Variants in IPO9 observed in about 807,000 individuals in gnomAD.
The protein encoded by IPO9 is importin 9.
A neutral mutation model predicts 128.6 loss-of-function variants in IPO9; 28 were observed. The ratio of observed to expected loss-of-function variants is 0.22; its 90% CI spans 0.16 to 0.30. IPO9 has a LOEUF of 0.30. Among genes scored for constraint, IPO9 ranks in the 10% least tolerant of loss-of-function variants. The probability of loss-of-function intolerance (pLI) is 1.00; values close to 1 mark genes in which losing one functional copy is unlikely to be tolerated. For missense variants in IPO9, 935 were observed against 1,293.9 expected (o/e 0.72, Z 4.26); for synonymous variants, 455 against 475.8 (o/e 0.96, Z 0.57).
intron 16 of IPO9, among the ~76,000 whole-genome samples, chr1:201,869,011 G>C (rs1179118927): frequency 1.3e-5 from 2 of 152,164 alleles, no homozygotes; most frequent in Admixed American, 1.3e-4. Flanking sequence ...GCAGCACTTT[G>C]GGAGGCCGAG....
At chr1:201,856,379 A>C (rs987515932) in intron 10 of IPO9, among the ~76,000 whole-genome samples, 2 of 152,184 alleles carry the variant, frequency 1.3e-5, no homozygotes, top group African/African-American at 4.8e-5. Flanking sequence ...CATTAGCCTG[A>C]TGGTGGGTCA....
Position 201,854,862 on chromosome 1 carries a change from G to A in IPO9, c.850G>A (p.Val284Met). ...AGTGAAAAACTTCCCAAAGCACATG[G>A]TGTCCTCCATGCAGCAGATTCTGCC... ...ALVKNFPKHM[V>M]SSMQQILPIV... is the part of the protein sequence containing the mutation. Residue 284 changes from valine to methionine, a missense_variant, in exon 8 of 24, where the codon GTG (valine) becomes ATG (methionine). Around this residue, in one of 3 missense-constraint regions of IPO9, gnomAD observed 741 missense variants for 1,019.1 expected, o/e 0.73. Transcript: ENST00000361565. The A allele has an allele frequency of 6.2e-7, 1 of 1,611,904 alleles. No homozygotes were observed. The highest frequency in any genetic ancestry group is 1.3e-5 in the African/African-American group (1 of 74,842).
Position 201,862,760 on chromosome 1 carries a change from C to T in IPO9, c.1469-688C>T, listed in dbSNP as rs141058000. The stretch of plus-strand genomic sequence containing the variant: ...GGTGGAGGTTGTGGTGAGCCGAGAT[C>T]GCACTGTTGCACTCCAGCCTGGGCA... On this transcript the variant is annotated intron_variant, in intron 13 of 23. Coordinates refer to ENST00000361565, the MANE Select transcript of IPO9 (RefSeq NM_018085.5). 6.9e-5 allele frequency among the ~76,000 whole-genome samples: 10 copies of T among 145,624 alleles called. No homozygotes were observed. The East Asian group carries it at 1.5e-3, about 21-fold the overall frequency.
intron 1 of IPO9, among the ~76,000 whole-genome samples, chr1:201,838,521 A>G (rs1215749237): frequency 1.3e-5 from 2 of 152,192 alleles, no homozygotes; most frequent in Non-Finnish European, 2.9e-5. Flanking sequence ...AGTCTGTACT[A>G]ACCAAATTAA....
chr1:201,830,123 G>T (rs2102864419), intron 1 of IPO9, among the ~76,000 whole-genome samples: 1 of 152,264 alleles, frequency 6.6e-6, no homozygotes, highest in Middle Eastern at 3.4e-3. Flanking sequence ...TCAATTTCCT[G>T]CCGCGTGAGC....
rs566944558 is a variant in IPO9 at position 201,870,483 on chromosome 1, T to C, written c.2134-100T>C. ...AAACATTATAGACTCACCGCTTTTATGAGGCATAGGCCTCTGGGAACATTT... is the reference window on the plus strand; with the variant it reads ...AAACATTATAGACTCACCGCTTTTACGAGGCATAGGCCTCTGGGAACATTT... On this transcript the variant is annotated intron_variant, in intron 17 of 23. Coordinates refer to ENST00000361565, the MANE Select transcript of IPO9 (RefSeq NM_018085.5). This position sits in a 1 kb window ranked among gnomAD's most constrained non-coding sequence, Gnocchi z 4.9. 2 of 1,335,230 alleles carry C rather than the reference T, an allele frequency of 1.5e-6. No homozygotes were observed. Among genetic ancestry groups the C allele is most frequent in the African/African-American group, 2.9e-5 (2 of 68,130 alleles). 82.7% of individuals were successfully genotyped at this position (1,335,230 alleles called of 1,614,324 possible). A position where few individuals can be genotyped will look rare whatever the true frequency, so the allele number is the denominator to read the frequency against.
At chr1:201,841,597 T>A (rs559087855) in intron 1 of IPO9, among the ~76,000 whole-genome samples, 71 of 152,332 alleles carry the variant, frequency 4.7e-4, no homozygotes, top group African/African-American at 1.6e-3. Context: ...TTTCTAAATA[T>A]AATTCTCCAC....
intron 6 of IPO9, among the ~76,000 whole-genome samples, chr1:201,853,350 C>T (rs951318933): frequency 6.6e-6 from 1 of 151,722 alleles, no homozygotes; most frequent in Non-Finnish European, 1.5e-5. Flanking sequence ...CCCCTGACCC[C>T]CAGTAGGAAC....
At chr1:201,875,109 G>A (rs773394260) in intron 22 of IPO9, 43 bp from the exon 23 acceptor site, 1 of 1,560,330 alleles carries the variant, frequency 6.4e-7, no homozygotes, top group Admixed American at 1.7e-5. Context: ...GCCTGATCAT[G>A]GGCCTTTGTC....
chr1:201,874,210 C>T, intron 20 of IPO9, 40 bp from the exon 21 acceptor site: 1 of 1,609,210 alleles, frequency 6.2e-7, no homozygotes, highest in Non-Finnish European at 8.5e-7. Flanking sequence ...GAAGTAAGCT[C>T]AGTGACACTC....
intron 10 of IPO9, among the ~76,000 whole-genome samples, chr1:201,856,517 G>A (rs1680331608): frequency 3.3e-5 from 5 of 152,238 alleles, no homozygotes; most frequent in Admixed American, 2.0e-4. Context: ...CTATCAAAGG[G>A]TAACAGCAGG....
At chr1:201,850,554 T>G (rs1320574527) in intron 4 of IPO9, 1 of 152,126 alleles carries the variant, frequency 6.6e-6, no homozygotes, top group Non-Finnish European at 1.5e-5. Flanking sequence ...CTCAAAGAAG[T>G]TTGGAGATTG....
chr1:201,863,495 A>G lies in IPO9; in HGVS notation c.1516A>G (p.Thr506Ala). ...GRALWAASRFTVAMSPELIQQ... is the reference protein window; with the variant it reads ...GRALWAASRFAVAMSPELIQQ... ...GGCACTTTGGGCTGCCAGTCGGTTC[A>G]CTGTTGCTATGTCCCCTGAACTGAT... is the stretch of plus-strand genomic sequence containing the variant. Residue 506 changes from threonine to alanine, a missense_variant, in exon 14 of 24, where the codon ACT becomes GCT. Around this residue, in one of 3 missense-constraint regions of IPO9, gnomAD observed 741 missense variants for 1,019.1 expected, o/e 0.73. Transcript: ENST00000361565. 6.3e-7 allele frequency: 1 copy of G among 1,594,934 alleles called. No homozygotes were observed. The highest frequency in any genetic ancestry group is 8.6e-7 in the Non-Finnish European group (1 of 1,164,884).
At chr1:201,866,380 G>A (rs1433960284) in intron 14 of IPO9, among the ~76,000 whole-genome samples, 2 of 151,592 alleles carry the variant, frequency 1.3e-5, no homozygotes, top group African/African-American at 4.9e-5. Context: ...GGCTAATACA[G>A]TAAAACTATA....
rs1279274360 is a variant in IPO9 at position 201,863,567 on chromosome 1, C to A, written c.1588C>A (p.Pro530Thr). The A allele has an allele frequency of 1.9e-6, 3 of 1,598,862 alleles. No homozygotes were observed. The African/African-American group carries it at 4.0e-5, about 21-fold the overall frequency. The change falls in exon 14 of 24, where the codon CCC (proline) becomes ACC (threonine). Residue 530 changes from proline to threonine, a missense_variant. Around this residue, in one of 3 missense-constraint regions of IPO9, gnomAD observed 741 missense variants for 1,019.1 expected, o/e 0.73. Coordinates refer to ENST00000361565, the MANE Select transcript of IPO9 (RefSeq NM_018085.5). ...AGTTAGTGGTCTTCACGAGACACAG[C>A]CCCCATCAGTTCGAATTTCTGCAGT... ...ATVSGLHETQ[P>T]PSVRISAVRA...
At chr1:201,869,836 TTTAC>T in intron 17 of IPO9, 118 bp downstream of exon 17, 1 of 1,259,490 alleles carries the variant, frequency 7.9e-7, no homozygotes, top group Non-Finnish European at 1.1e-6. Flanking sequence ...CAACTCCATA[TTTAC>T]TTAGCAGATT....
At chr1:201,829,548 G>A (rs916776163) in intron 1 of IPO9, 176 bp downstream of exon 1, 33 of 508,990 alleles carry the variant, frequency 6.5e-5, no homozygotes, top group Non-Finnish European at 9.3e-5. Context: ...AGAGAGGAGA[G>A]GCGCGCCTGA....
chr1:201,849,551 G>A lies in IPO9; in HGVS notation c.514+957G>A, dbSNP rs529591423. Among the ~76,000 whole-genome samples, 6 of 152,244 alleles carry A rather than the reference G, an allele frequency of 3.9e-5. No individual in the cohort carries two copies. The South Asian group carries it at 6.2e-4, about 16-fold the overall frequency. On this transcript the variant is annotated intron_variant, in intron 4 of 23. Transcript: ENST00000361565. Reference sequence around the variant, plus strand: ...GCTAGCTTACCTGATATGTATTCTTGCTTAGTTGTGAATGCCAATTCTATT... The same window carrying A: ...GCTAGCTTACCTGATATGTATTCTTACTTAGTTGTGAATGCCAATTCTATT...
Position 201,852,088 on chromosome 1 carries a change from A to C in IPO9, c.515-16A>C. On this transcript the variant is annotated splice_polypyrimidine_tract_variant and intron_variant, in intron 4 of 23. Transcript: ENST00000361565. Reference sequence around the variant, plus strand: ...GCAGTATTTTTTTTTTAACAGTACTACTTTTTTCTTTGTAGAATTCACTCG... The same window carrying C: ...GCAGTATTTTTTTTTTAACAGTACTCCTTTTTTCTTTGTAGAATTCACTCG... 6.5e-7 allele frequency: 1 copy of C among 1,534,446 alleles called. No individual in the cohort carries two copies. Among genetic ancestry groups the C allele is most frequent in the African/African-American group, 1.4e-5 (1 of 73,272 alleles).
Sources: gnomAD v4.1 joint callset for allele counts (sites outside exome capture counted in the v4.1 genomes callset) on GRCh38, gnomAD v4.1.1 for gene constraint, gnomAD v4.1.1 regional missense constraint, Gnocchi (gnomAD v3.1) non-coding constraint, MANE v1.5 for transcripts, NCBI Gene and HGNC (gene_info 2026-07-23, HGNC 2026-07-21) for gene names.